ARHGAP6: variants seen among roughly 807,000 people sequenced by gnomAD.
ARHGAP6 encodes rho GTPase-activating protein 6.
In ARHGAP6, 16 loss-of-function variants were observed where a neutral mutation model predicts 55.7. That is an observed-to-expected ratio of 0.29 (90% confidence interval 0.19 to 0.44). ARHGAP6 has a LOEUF of 0.44. Among genes scored for constraint, ARHGAP6 ranks in the 20% least tolerant of loss-of-function variants. The pLI is 1.00. For synonymous variants in ARHGAP6, 382 were observed against 360.9 expected (o/e 1.06, Z -0.66); for missense variants, 698 against 808.9 (o/e 0.86, Z 1.66).
intron 1 of ARHGAP6, among the ~76,000 whole-genome samples, chrX:11,641,824 T>C (rs954582530): frequency 1.8e-5 from 2 of 111,663 alleles, no homozygotes; most frequent in Non-Finnish European, 3.8e-5. Flanking sequence ...GCATAGAAAG[T>C]ACTAAAGCAA....
intron 1 of ARHGAP6, among the ~76,000 whole-genome samples, chrX:11,291,835 T>C (rs1348269333): frequency 8.9e-6 from 1 of 112,105 alleles, no homozygotes; most frequent in Non-Finnish European, 1.9e-5. Context: ...CCTGTTATAA[T>C]CTTCTACTTC....
intron 1 of ARHGAP6, among the ~76,000 whole-genome samples, chrX:11,634,169 T>A (rs2052392197): frequency 9.2e-6 from 1 of 109,119 alleles, no homozygotes; most frequent in Non-Finnish European, 1.9e-5. Context: ...GCCCAGCTGA[T>A]TTTTCTTTAA....
intron 1 of ARHGAP6, among the ~76,000 whole-genome samples, chrX:11,372,771 CAA>C (rs1171647934): frequency 7.0e-5 from 1 of 14,357 alleles, no homozygotes; most frequent in African/African-American, 2.9e-4. Context: ...GACTCCATCT[CAA>C]AAAAAAAAAA....
intron 1 of ARHGAP6, among the ~76,000 whole-genome samples, chrX:11,370,734 A>G (rs2049134486): frequency 9.0e-6 from 1 of 111,726 alleles, no homozygotes; most frequent in Non-Finnish European, 1.9e-5. Context: ...TACCTATGGC[A>G]TGAAGAACAT....
At chrX:11,276,590 G>A (rs1017901755) in intron 1 of ARHGAP6, among the ~76,000 whole-genome samples, 1 of 111,851 alleles carries the variant, frequency 8.9e-6, no homozygotes, top group African/African-American at 3.3e-5. Flanking sequence ...AATTGAAAAG[G>A]GAGAAACCAA....
intron 1 of ARHGAP6, among the ~76,000 whole-genome samples, chrX:11,660,214 G>A (rs1264371369): frequency 2.7e-5 from 3 of 111,370 alleles, no homozygotes; most frequent in Non-Finnish European, 5.7e-5. Flanking sequence ...GGGGCTCCTT[G>A]GAGAGTAATG....
At chrX:11,315,216 C>A (rs184861963) in intron 1 of ARHGAP6, among the ~76,000 whole-genome samples, 389 of 112,336 alleles carry the variant, frequency 3.5e-3, no homozygotes, top group African/African-American at 0.012. Flanking sequence ...CACCAGGGAC[C>A]GGTTTTGTGG....
intron 1 of ARHGAP6, among the ~76,000 whole-genome samples, chrX:11,416,065 G>A (rs2049743361): frequency 8.9e-6 from 1 of 111,830 alleles, no homozygotes; most frequent in Non-Finnish European, 1.9e-5. Flanking sequence ...GTGCATATAT[G>A]TATGCATGCT....
chrX:11,589,950 A>G (rs1274964081), intron 1 of ARHGAP6, among the ~76,000 whole-genome samples: 1 of 112,011 alleles, frequency 8.9e-6, no homozygotes, highest in Non-Finnish European at 1.9e-5. Flanking sequence ...CTTTGATGGG[A>G]AAGAAACAGT....
At chrX:11,265,826 T>C (rs2047615109) in intron 1 of ARHGAP6, 1 of 942,623 alleles carries the variant, frequency 1.1e-6, no homozygotes, top group African/African-American at 2.1e-5. Flanking sequence ...ATATTGAATG[T>C]CTGAGAAATG....
chrX:11,617,747 A>G (rs1318652092), intron 1 of ARHGAP6, among the ~76,000 whole-genome samples: 5 of 111,588 alleles, frequency 4.5e-5, no homozygotes, highest in Non-Finnish European at 9.4e-5. Context: ...GCTGTCTGCT[A>G]TCTGCAGAGT....
chrX:11,455,546 C>A (rs187412791), intron 1 of ARHGAP6, among the ~76,000 whole-genome samples: 140 of 111,685 alleles, frequency 1.3e-3, no homozygotes, highest in Middle Eastern at 9.2e-3. Flanking sequence ...ACCTTGCAAA[C>A]GGGAAAAAAT....
chrX:11,473,573 C>T (rs2050371880), intron 1 of ARHGAP6, among the ~76,000 whole-genome samples: 1 of 111,343 alleles, frequency 9.0e-6, no homozygotes, highest in Non-Finnish European at 1.9e-5. Context: ...TGTTAAGGAA[C>T]ATCAAGGATT....
intron 1 of ARHGAP6, among the ~76,000 whole-genome samples, chrX:11,499,742 G>C (rs1263145990): frequency 8.9e-6 from 1 of 112,096 alleles, no homozygotes; most frequent in African/African-American, 3.2e-5. Context: ...TGCCTGAAGG[G>C]ACTCTGATCC....
chrX:11,618,153 T>C (rs1390188233), intron 1 of ARHGAP6, among the ~76,000 whole-genome samples: 1 of 111,145 alleles, frequency 9.0e-6, no homozygotes, highest in Non-Finnish European at 1.9e-5. Context: ...GCTTCTGTAA[T>C]AGAAGCTGGA....
At chrX:11,650,362 T>G (rs2052572238) in intron 1 of ARHGAP6, among the ~76,000 whole-genome samples, 2 of 111,975 alleles carry the variant, frequency 1.8e-5, no homozygotes. Context: ...TGGTTTTAGA[T>G]TCAGTCAATG....
chrX:11,298,018 G>T, intron 1 of ARHGAP6: 2 of 951,954 alleles, frequency 2.1e-6, no homozygotes, highest in Non-Finnish European at 3.0e-6. Flanking sequence ...AAGAAAAGAT[G>T]AAGAATGTGT....
intron 1 of ARHGAP6, among the ~76,000 whole-genome samples, chrX:11,331,135 G>A (rs186792063): frequency 9.0e-6 from 1 of 111,480 alleles, no homozygotes; most frequent in East Asian, 2.8e-4. Flanking sequence ...AATATTCTAC[G>A]TAAAAACTGG....
intron 1 of ARHGAP6, among the ~76,000 whole-genome samples, chrX:11,519,725 A>C (rs2050892282): frequency 9.2e-6 from 1 of 108,661 alleles, no homozygotes; most frequent in African/African-American, 3.4e-5. Context: ...TGAGAAAAAC[A>C]AGCAATGGGG....
Sources: gnomAD v4.1 joint callset for allele counts (sites outside exome capture counted in the v4.1 genomes callset) on GRCh38, gnomAD v4.1.1 for gene constraint, MANE v1.5 for transcripts, NCBI Gene and HGNC (gene_info 2026-07-23, HGNC 2026-07-21) for gene names.